CDH13: variants seen among roughly 807,000 people sequenced by gnomAD.
CDH13 encodes the protein cadherin 13.
Under a neutral mutation model 63.8 loss-of-function variants are expected in CDH13, and 24 were observed. The observed-to-expected ratio is 0.38, with a 90% CI of 0.27 to 0.53. CDH13 has a LOEUF of 0.53. Among genes scored for constraint, CDH13 ranks in the 20% least tolerant of loss-of-function variants. CDH13 has a pLI of 0.85. For synonymous variants in CDH13, 503 were observed against 355.3 expected, an observed-to-expected ratio of 1.42 and a Z score of -4.67; for missense variants, 1,049 against 903.1, an observed-to-expected ratio of 1.16 and a Z score of -2.07.
chr16:83,521,480 C>T (rs1029085774), intron 7 of CDH13, among the ~76,000 whole-genome samples: 13 of 152,272 alleles, frequency 8.5e-5, no homozygotes, highest in African/African-American at 2.9e-4. Context: ...AACACCAATA[C>T]GGTGTCAACA....
chr16:83,246,949 A>C (rs1026787024), intron 5 of CDH13, among the ~76,000 whole-genome samples: 1 of 152,212 alleles, frequency 6.6e-6, no homozygotes, highest in Non-Finnish European at 1.5e-5. Flanking sequence ...GCCTTTGCGT[A>C]TCCATCTCTA....
At chr16:83,586,465 G>C (rs990441299) in intron 7 of CDH13, among the ~76,000 whole-genome samples, 5 of 152,244 alleles carry the variant, frequency 3.3e-5, no homozygotes, top group Admixed American at 2.0e-4. Context: ...TGGCGAAGAA[G>C]AGCACACTTG....
chr16:83,739,698 G>C (rs1207511184), intron 10 of CDH13, among the ~76,000 whole-genome samples: 1 of 152,162 alleles, frequency 6.6e-6, no homozygotes, highest in African/African-American at 2.4e-5. Context: ...TGAGAGACCT[G>C]CCTATGGGGG....
At chr16:82,770,353 C>T (rs550444312) in intron 1 of CDH13, among the ~76,000 whole-genome samples, 7 of 152,236 alleles carry the variant, frequency 4.6e-5, no homozygotes, top group Admixed American at 1.3e-4. Context: ...AAATTTGGAA[C>T]GTAAAAAAGG....
At chr16:82,906,716 C>T (rs1212603099) in intron 2 of CDH13, among the ~76,000 whole-genome samples, 3 of 152,144 alleles carry the variant, frequency 2.0e-5, no homozygotes, top group Non-Finnish European at 2.9e-5. Flanking sequence ...TTCATGGTTT[C>T]GGCAGGGCTG....
In CDH13 at chr16:83,073,456, A is replaced by T. The variant is rs2032601782; in HGVS notation, c.366+41238A>T. On this transcript the variant is annotated intron_variant, in intron 3 of 13. Transcript: ENST00000567109. ...GAATCTTGACCTTTTTCTGTATTTA[A>T]TTAGATGCTGCTGTTTAATAACCTA... Among the ~76,000 whole-genome samples the T allele has an allele frequency of 2.6e-5, 4 of 151,316 alleles. No homozygotes were observed. The South Asian group carries it at 8.4e-4, about 32-fold the overall frequency.
intron 7 of CDH13, among the ~76,000 whole-genome samples, chr16:83,507,012 A>T (rs551013185): frequency 7.9e-5 from 12 of 152,330 alleles, no homozygotes; most frequent in African/African-American, 2.6e-4. Context: ...GCTTTAAAGC[A>T]CTAAGTTTGG....
intron 5 of CDH13, among the ~76,000 whole-genome samples, chr16:83,343,063 G>T (rs2090763198): frequency 6.6e-6 from 1 of 151,412 alleles, no homozygotes; most frequent in South Asian, 2.1e-4. Flanking sequence ...ATATTACGAG[G>T]CTCTGTTCAC....
At chr16:82,870,454 C>T (rs1343814063) in intron 2 of CDH13, among the ~76,000 whole-genome samples, 1 of 152,034 alleles carries the variant, frequency 6.6e-6, no homozygotes, top group Non-Finnish European at 1.5e-5. Flanking sequence ...GCCCAACAGT[C>T]CCACTGCTGG....
intron 1 of CDH13, among the ~76,000 whole-genome samples, chr16:82,743,686 C>T (rs572147072): frequency 2.6e-5 from 4 of 152,272 alleles, no homozygotes; most frequent in South Asian, 2.1e-4. Context: ...CAGCATAAAG[C>T]GTGTGAATAT....
intron 6 of CDH13, among the ~76,000 whole-genome samples, chr16:83,471,747 C>G (rs1176192354): frequency 1.3e-5 from 2 of 152,194 alleles, no homozygotes; most frequent in South Asian, 2.1e-4. Flanking sequence ...CATATGCTCA[C>G]CCGAGCAGTG....
At chr16:83,108,478 C>T (rs1480328326) in intron 3 of CDH13, among the ~76,000 whole-genome samples, 13 of 152,152 alleles carry the variant, frequency 8.5e-5, no homozygotes, top group South Asian at 4.1e-4. Context: ...GCAGGTCTCC[C>T]GCCTCATAGA....
chr16:82,851,956 T>A (rs940534328), intron 1 of CDH13, among the ~76,000 whole-genome samples: 2 of 152,156 alleles, frequency 1.3e-5, no homozygotes, highest in African/African-American at 4.8e-5. Flanking sequence ...ATGGCAGGGA[T>A]AAAGTAACTA....
At chr16:82,921,528 A>G (rs531782903) in intron 2 of CDH13, among the ~76,000 whole-genome samples, 43 of 152,204 alleles carry the variant, frequency 2.8e-4, no homozygotes, top group Admixed American at 1.6e-3. Context: ...ATTTAATTCA[A>G]TCACATATGC....
At chr16:83,493,600 A>G (rs912415393) in intron 7 of CDH13, among the ~76,000 whole-genome samples, 2 of 152,236 alleles carry the variant, frequency 1.3e-5, no homozygotes, top group Non-Finnish European at 2.9e-5. Context: ...AAGGCATGGC[A>G]TATTCACATG....
rs376732407 is a variant in CDH13, at chr16:83,045,103, G to T, written c.366+12885G>T. Among the ~76,000 whole-genome samples, 8 of 152,210 alleles carry T rather than the reference G, an allele frequency of 5.3e-5. No individual in the cohort carries two copies. In the South Asian group the frequency reaches 1.0e-3, roughly 20 times the overall value. On this transcript the variant is annotated intron_variant, in intron 3 of 13. Coordinates refer to ENST00000567109, the MANE Select transcript of CDH13 (RefSeq NM_001257.5). Reference sequence around the variant, plus strand: ...ACATGGAGATACTTGGTCACTGCCGGCTTTGCGGTCGGCATGACTCCTATT... The same window carrying T: ...ACATGGAGATACTTGGTCACTGCCGTCTTTGCGGTCGGCATGACTCCTATT...
chr16:83,360,353 C>A (rs982736164), intron 6 of CDH13, among the ~76,000 whole-genome samples: 11 of 152,198 alleles, frequency 7.2e-5, no homozygotes, highest in African/African-American at 2.7e-4. Flanking sequence ...ATACACGTAG[C>A]AGCAGGGCTC....
chr16:82,912,256 C>A (rs1446429463), intron 2 of CDH13, among the ~76,000 whole-genome samples: 1 of 45,952 alleles, frequency 2.2e-5, no homozygotes. Flanking sequence ...TTAGTGAATT[C>A]ATCATGGCGG....
chr16:83,170,376 G>T (rs1236724141), intron 4 of CDH13, among the ~76,000 whole-genome samples: 1 of 152,078 alleles, frequency 6.6e-6, no homozygotes, highest in Non-Finnish European at 1.5e-5. Context: ...GGGTGTTTAG[G>T]AGTGTTTGCT....
Sources: gnomAD v4.1 joint callset for allele counts (sites outside exome capture counted in the v4.1 genomes callset) on GRCh38, gnomAD v4.1.1 for gene constraint, MANE v1.5 for transcripts, NCBI Gene and HGNC (gene_info 2026-07-23, HGNC 2026-07-21) for gene names.